SDK1: variants seen among roughly 807,000 people sequenced by gnomAD.
SDK1 encodes sidekick cell adhesion molecule 1, also known as protein sidekick-1.
A neutral mutation model predicts 245.5 loss-of-function variants in SDK1; 157 were observed. The ratio of observed to expected loss-of-function variants is 0.64; its 90% CI spans 0.56 to 0.73. The LOEUF (loss-of-function observed/expected upper bound fraction) is 0.73. Ranked by LOEUF, SDK1 falls within the 30% of genes least tolerant of loss-of-function variation. The pLI is 0.00. For missense variants in SDK1, 3,583 were observed against 3,002.3 expected (o/e 1.19, Z -4.52); for synonymous variants, 1,647 against 1,278.5 (o/e 1.29, Z -6.15).
chr7:3,498,019 C>G (rs1001398106), intron 1 of SDK1, among the ~76,000 whole-genome samples: 1 of 152,152 alleles, frequency 6.6e-6, no homozygotes, highest in Non-Finnish European at 1.5e-5. Context: ...TGGCTTGTAT[C>G]GATTATAATT....
At chr7:3,808,706 T>A (rs1166648682) in intron 4 of SDK1, among the ~76,000 whole-genome samples, 2 of 152,196 alleles carry the variant, frequency 1.3e-5, no homozygotes, top group Non-Finnish European at 2.9e-5. Flanking sequence ...GATGGCTGTT[T>A]GACCATTTCC....
intron 26 of SDK1, chr7:4,129,654 T>G (rs1440788693): frequency 7.3e-7 from 1 of 1,364,268 alleles, no homozygotes; most frequent in East Asian, 3.0e-5. Context: ...ATCTTGCAGA[T>G]TATGACCAGG....
At chr7:3,434,790 G>A (rs1406977775) in intron 1 of SDK1, among the ~76,000 whole-genome samples, 1 of 152,090 alleles carries the variant, frequency 6.6e-6, no homozygotes, top group African/African-American at 2.4e-5. Flanking sequence ...TCTGCAGGGA[G>A]TGTAGATAGA....
intron 4 of SDK1, among the ~76,000 whole-genome samples, chr7:3,666,586 C>G (rs917174079): frequency 6.6e-6 from 1 of 152,154 alleles, no homozygotes. Context: ...TTGGGCCTTG[C>G]TTCTCTGTAT....
At chr7:3,305,093 T>TA (rs906376378) in intron 1 of SDK1, among the ~76,000 whole-genome samples, 2 of 152,202 alleles carry the variant, frequency 1.3e-5, no homozygotes, top group Non-Finnish European at 2.9e-5. Flanking sequence ...TGTGTTCACT[T>TA]ACACCTGTTC....
At chr7:3,782,931 A>G (rs930252019) in intron 4 of SDK1, among the ~76,000 whole-genome samples, 1 of 152,222 alleles carries the variant, frequency 6.6e-6, no homozygotes, top group Non-Finnish European at 1.5e-5. Flanking sequence ...AAAGAGAGTT[A>G]AAGGTCAGTG....
rs538700741 is a variant in SDK1, at chr7:3,658,512, G to A, written c.713+16407G>A. 6.0e-5 allele frequency among the ~76,000 whole-genome samples: 9 copies of A among 150,628 alleles called. No homozygotes were observed. The Middle Eastern group carries it at 0.017, about 293-fold the overall frequency. Reference sequence around the variant, plus strand: ...GGAAAAAAAAAAACTTTATTGAGATGTAATTTACCTACCGTAATGTTCACA... The same window carrying A: ...GGAAAAAAAAAAACTTTATTGAGATATAATTTACCTACCGTAATGTTCACA... On this transcript the variant is annotated intron_variant, in intron 4 of 44. Coordinates refer to ENST00000404826, the MANE Select transcript of SDK1 (RefSeq NM_152744.4).
intron 22 of SDK1, among the ~76,000 whole-genome samples, chr7:4,087,665 G>C (rs551493381): frequency 6.6e-6 from 1 of 152,226 alleles, no homozygotes; most frequent in Admixed American, 6.5e-5. Context: ...GCCTTCACCT[G>C]CTCTCAAAAA....
At chr7:3,492,798 G>C (rs1205572325) in intron 1 of SDK1, among the ~76,000 whole-genome samples, 9 of 152,206 alleles carry the variant, frequency 5.9e-5, no homozygotes, top group Non-Finnish European at 1.3e-4. Context: ...CAGCTGTTTA[G>C]CTTGCTCTTG....
intron 4 of SDK1, among the ~76,000 whole-genome samples, chr7:3,787,175 C>CAT (rs1780928462): frequency 6.6e-6 from 1 of 151,738 alleles, no homozygotes. Flanking sequence ...CACACACACA[C>CAT]ACACACACAC....
chr7:3,346,377 C>T (rs182749477), intron 1 of SDK1, among the ~76,000 whole-genome samples: 2 of 152,156 alleles, frequency 1.3e-5, no homozygotes, highest in African/African-American at 2.4e-5. Context: ...GCTTCACTTT[C>T]TTCCTAGGCT....
intron 32 of SDK1, among the ~76,000 whole-genome samples, chr7:4,170,892 C>G (rs1189177296): frequency 6.6e-6 from 1 of 152,130 alleles, no homozygotes; most frequent in Non-Finnish European, 1.5e-5. Context: ...TTGCCGGCGT[C>G]CCAAACACTG....
At chr7:3,946,840 T>G (rs1361926217) in intron 5 of SDK1, among the ~76,000 whole-genome samples, 1 of 152,150 alleles carries the variant, frequency 6.6e-6, no homozygotes, top group Non-Finnish European at 1.5e-5. Flanking sequence ...GCTGGGTAGA[T>G]TGCCTTCATG....
At chr7:3,923,447 T>G (rs1352842944) in intron 5 of SDK1, among the ~76,000 whole-genome samples, 1 of 152,216 alleles carries the variant, frequency 6.6e-6, no homozygotes, top group Non-Finnish European at 1.5e-5. Context: ...AATCGAGAAG[T>G]TGCCCGGGCT....
At chr7:3,957,283 C>T (rs141586780) in intron 7 of SDK1, among the ~76,000 whole-genome samples, 32 of 152,312 alleles carry the variant, frequency 2.1e-4, no homozygotes, top group African/African-American at 7.5e-4. Context: ...TTTTCACGCA[C>T]ACTTGAGCGC....
intron 1 of SDK1, among the ~76,000 whole-genome samples, chr7:3,537,146 C>T (rs1056980800): frequency 1.3e-5 from 2 of 152,184 alleles, no homozygotes; most frequent in Non-Finnish European, 2.9e-5. Context: ...ATTCCCTCTT[C>T]GCAGACAGCT....
chr7:3,907,231 A>G (rs1778982540), intron 5 of SDK1, among the ~76,000 whole-genome samples: 4 of 152,096 alleles, frequency 2.6e-5, no homozygotes, highest in Admixed American at 2.6e-4. Flanking sequence ...CTGCATATCT[A>G]TTTCAAAAAT....
chr7:3,859,599 C>T (rs1486499160), intron 5 of SDK1, among the ~76,000 whole-genome samples: 4 of 152,154 alleles, frequency 2.6e-5, no homozygotes, highest in Non-Finnish European at 4.4e-5. Flanking sequence ...CATGGTGCAT[C>T]CTGTTACATT....
intron 1 of SDK1, among the ~76,000 whole-genome samples, chr7:3,409,917 C>T (rs936315239): frequency 6.6e-6 from 1 of 152,056 alleles, no homozygotes; most frequent in African/African-American, 2.4e-5. Flanking sequence ...AGTGACAGCA[C>T]AGAGGTGATC....
Sources: allele counts gnomAD v4.1 joint callset (sites outside exome capture counted in the v4.1 genomes callset), GRCh38; gene constraint gnomAD v4.1.1; transcripts MANE v1.5; gene names NCBI Gene and HGNC (gene_info 2026-07-23, HGNC 2026-07-21).